The following CACNA1D variants were observed in gnomAD, a reference collection of about 807,000 sequenced individuals.
CACNA1D encodes the protein voltage-dependent L-type calcium channel subunit alpha-1D.
A neutral mutation model predicts 257.1 loss-of-function variants in CACNA1D; 55 were observed. That is an observed-to-expected ratio of 0.21 (90% CI 0.17 to 0.27). The LOEUF (loss-of-function observed/expected upper bound fraction) is 0.27. CACNA1D is among the 10% of genes least tolerant of loss of function. The probability of loss-of-function intolerance (pLI) is 1.00; values close to 1 mark genes in which losing one functional copy is unlikely to be tolerated. For missense variants in CACNA1D, 1,876 were observed against 2,784.0 expected (o/e 0.67, Z 7.34); for synonymous variants, 980 against 1,014.9 (o/e 0.97, Z 0.65).
chr3:53,718,538 C>T (rs915370079), intron 10 of CACNA1D, 150 bp downstream of exon 10: 2 of 1,038,444 alleles, frequency 1.9e-6, no homozygotes, highest in South Asian at 2.7e-5. Flanking sequence ...GCCACGCTTC[C>T]TCCTGTGCCA....
intron 19 of CACNA1D, 136 bp downstream of exon 19, chr3:53,733,098 C>T (rs1178081648): frequency 1.0e-5 from 8 of 773,216 alleles, no homozygotes; most frequent in East Asian, 8.0e-5. Flanking sequence ...GGCGCCCTCA[C>T]CCAAGTCCCC....
In CACNA1D at chr3:53,728,088, C is replaced by T. The variant is rs185199096; in HGVS notation, c.2221+1089C>T. On this transcript the variant is annotated intron_variant, in intron 15 of 47. Coordinates refer to ENST00000350061, the MANE Select transcript of CACNA1D (RefSeq NM_001128840.3). ...TGAGCTCCCCCTCAGATTTTATCCA[C>T]GTCTCTTACTGCCTGTAGGTTCTTC... 2.8e-4 allele frequency among the ~76,000 whole-genome samples: 43 copies of T among 152,186 alleles called. No homozygotes were observed. The South Asian group carries it at 4.0e-3, about 14-fold the overall frequency.
chr3:53,777,323 A>G (rs376683803), intron 37 of CACNA1D, among the ~76,000 whole-genome samples: 15 of 152,164 alleles, frequency 9.9e-5, no homozygotes, highest in African/African-American at 3.4e-4. Context: ...TGGCTAGGAC[A>G]TAAGAGGAAG....
chr3:53,665,508 TCC>T, intron 5 of CACNA1D, 150 bp from the exon 6 acceptor site: 1 of 658,346 alleles, frequency 1.5e-6, no homozygotes, highest in Middle Eastern at 2.7e-4. Flanking sequence ...CTATCTCACA[TCC>T]AGGCTTAATA....
intron 11 of CACNA1D, among the ~76,000 whole-genome samples, chr3:53,721,386 A>AT (rs1559569088): frequency 6.6e-6 from 1 of 152,120 alleles, no homozygotes; most frequent in Non-Finnish European, 1.5e-5. Flanking sequence ...GAAGTACCCC[A>AT]TTGTCGTTAG....
At chr3:53,762,441 C>A (rs575209941) in intron 30 of CACNA1D, 16 of 422,624 alleles carry the variant, frequency 3.8e-5, no homozygotes, top group South Asian at 2.9e-4. Context: ...TGTTTCAAGT[C>A]GCCGTGTGGC....
At chr3:53,776,108 C>T in intron 35 of CACNA1D, 63 bp downstream of exon 35, 1 of 1,446,446 alleles carries the variant, frequency 6.9e-7, no homozygotes, top group South Asian at 1.1e-5. Context: ...TCAGCGTTCA[C>T]ACAAATGGCC....
At chr3:53,746,919 G>A (rs191749164) in intron 25 of CACNA1D, among the ~76,000 whole-genome samples, 107 of 152,290 alleles carry the variant, frequency 7.0e-4, no homozygotes, top group African/African-American at 2.3e-3. Flanking sequence ...AAGAGTATAC[G>A]TGGGTTCGTT....
chr3:53,524,783 G>A (rs184906261), intron 3 of CACNA1D, among the ~76,000 whole-genome samples: 353 of 152,266 alleles, frequency 2.3e-3, no homozygotes, highest in Non-Finnish European at 3.8e-3. Context: ...TGGATGTCTG[G>A]CCTTTTCAGC....
chr3:53,594,635 A>T (rs562011033), intron 3 of CACNA1D, among the ~76,000 whole-genome samples: 2 of 152,370 alleles, frequency 1.3e-5, no homozygotes, highest in African/African-American at 2.4e-5. Flanking sequence ...AGAATTTTCC[A>T]GGCGGAAGGA....
Position 53,777,164 on chromosome 3 carries a change from G to A in CACNA1D, c.4587+208G>A, listed in dbSNP as rs147785092. Among the ~76,000 whole-genome samples, 828 of 152,260 alleles carry A rather than the reference G, an allele frequency of 5.4e-3. 12 individuals carry two copies. The highest frequency in any genetic ancestry group is 0.019 in the African/African-American group (795 of 41,542). ...ACCATCAGAAGAGGAAGGGAATTCT[G>A]TAATTTGTCATTGGGTGGATGGTAG... On this transcript the variant is annotated intron_variant, in intron 37 of 47. Transcript: ENST00000350061.
At chr3:53,581,876 C>G (rs985008916) in intron 3 of CACNA1D, among the ~76,000 whole-genome samples, 2 of 152,206 alleles carry the variant, frequency 1.3e-5, no homozygotes, top group African/African-American at 4.8e-5. Flanking sequence ...GACCACATCT[C>G]TAGGTTTGTG....
At position 53,801,169 on chromosome 3, in the gene CACNA1D, A is replaced by T; in HGVS notation, c.5152A>T (p.Ile1718Phe). ...TCCCCTGCATGTCCAAAGGCCTTCA[A>T]TTCCACCTGCAAGTGATACTGAGAA... is the stretch of plus-strand genomic sequence containing the variant. ...HRPLHVQRPS[I>F]PPASDTEKPL... Residue 1718 changes from isoleucine (I) to phenylalanine (F), a missense_variant, in exon 42 of 48, where the codon ATT becomes TTT. By Grantham distance (21) the Ile-to-Phe change is conservative. Coordinates refer to ENST00000350061, the MANE Select transcript of CACNA1D (RefSeq NM_001128840.3). The T allele has an allele frequency of 1.2e-6, 2 of 1,613,868 alleles. No homozygotes were observed. The highest frequency in any genetic ancestry group is 1.7e-6 in the Non-Finnish European group (2 of 1,179,848).
rs550579530 is a variant in CACNA1D at position 53,808,396 on chromosome 3, A to G, written c.5750-253A>G. The G allele has an allele frequency of 2.2e-3, 993 of 450,334 alleles. 2 individuals carry two copies. The highest frequency in any genetic ancestry group is 3.3e-3 in the Non-Finnish European group (804 of 243,610). The allele number at this position is 450,334 out of a possible 1,614,324, so 27.9% of individuals were successfully genotyped here. Reference sequence around the variant, plus strand: ...GCCACTGCACTCCAGCCTGGGCGACAGAGCCAGACTCCATCTCAAAAAAAA... The same window carrying G: ...GCCACTGCACTCCAGCCTGGGCGACGGAGCCAGACTCCATCTCAAAAAAAA... On this transcript the variant is annotated intron_variant, in intron 45 of 47. Transcript: ENST00000350061.
intron 2 of CACNA1D, among the ~76,000 whole-genome samples, chr3:53,501,029 C>A (rs1430646663): frequency 6.6e-6 from 1 of 152,198 alleles, no homozygotes; most frequent in African/African-American, 2.4e-5. Context: ...GGAGCTGAAG[C>A]CTGGCTCGCT....
intron 33 of CACNA1D, 38 bp downstream of exon 33, chr3:53,772,936 C>G: frequency 6.5e-7 from 1 of 1,542,118 alleles, no homozygotes; most frequent in East Asian, 2.2e-5. Flanking sequence ...GGCCCTTTCA[C>G]TGGGTAGCCC....
At chr3:53,643,478 C>T (rs1011372451) in intron 3 of CACNA1D, among the ~76,000 whole-genome samples, 1 of 151,942 alleles carries the variant, frequency 6.6e-6, no homozygotes, top group East Asian at 1.9e-4. Flanking sequence ...TGAATGTGCA[C>T]GATGGCCTCA....
intron 8 of CACNA1D, among the ~76,000 whole-genome samples, chr3:53,690,677 A>T (rs1290815900): frequency 6.6e-6 from 1 of 152,160 alleles, no homozygotes; most frequent in African/African-American, 2.4e-5. Context: ...ATTTGGGCTG[A>T]ATTTCCTACA....
At chr3:53,521,186 T>G (rs1045255036) in intron 3 of CACNA1D, among the ~76,000 whole-genome samples, 1 of 152,012 alleles carries the variant, frequency 6.6e-6, no homozygotes, top group Non-Finnish European at 1.5e-5. Flanking sequence ...ATTACAGGTG[T>G]GTGCCACCCA....
Sources: gnomAD v4.1 joint callset for allele counts (sites outside exome capture counted in the v4.1 genomes callset) on GRCh38, gnomAD v4.1.1 for gene constraint, MANE v1.5 for transcripts, NCBI Gene and HGNC (gene_info 2026-07-23, HGNC 2026-07-21) for gene names.